The following NKAIN2 variants were observed in gnomAD, a reference collection of about 807,000 sequenced individuals.
NKAIN2 encodes the protein sodium/potassium transporting ATPase interacting 2.
Under a neutral mutation model 32.6 loss-of-function variants are expected in NKAIN2, and 14 were observed. The observed-to-expected ratio is 0.43, with a 90% CI of 0.28 to 0.67. The LOEUF (loss-of-function observed/expected upper bound fraction) is 0.67, where lower values mean the gene tolerates loss of function less well. NKAIN2 is among the 30% of genes least tolerant of loss of function. The pLI, the probability that NKAIN2 is intolerant of heterozygous loss-of-function variation, is 0.17. For missense variants in NKAIN2, 198 were observed against 258.3 expected (o/e 0.77, Z 1.60); for synonymous variants, 80 against 87.2 (o/e 0.92, Z 0.46).
intron 2 of NKAIN2, among the ~76,000 whole-genome samples, chr6:124,316,100 G>A (rs1428912127): frequency 2.0e-5 from 3 of 151,732 alleles, no homozygotes; most frequent in Non-Finnish European, 1.5e-5. Flanking sequence ...ACTTTTTTTT[G>A]TATATTTGAA....
rs570029404 is a variant in NKAIN2, at chr6:124,441,243, C to A, written c.273+85896C>A. ...ATCAAACACTGTAAATCTCTAGACT[C>A]TAGTTCTGCAGAGTTTCTGCAGGCA... is the stretch of plus-strand genomic sequence containing the variant. On this transcript the variant is annotated intron_variant, in intron 3 of 6. Transcript: ENST00000368417. Among the ~76,000 whole-genome samples, 10 of 152,158 alleles carry A rather than the reference C, an allele frequency of 6.6e-5. No individual in the cohort carries two copies. The South Asian group carries it at 1.9e-3, about 28-fold the overall frequency.
At chr6:123,965,288 C>T (rs1434755940) in intron 1 of NKAIN2, among the ~76,000 whole-genome samples, 1 of 152,120 alleles carries the variant, frequency 6.6e-6, no homozygotes, top group Admixed American at 6.5e-5. Context: ...AAAATAGAGA[C>T]AATTTGTTTG....
intron 4 of NKAIN2, among the ~76,000 whole-genome samples, chr6:124,749,174 C>T (rs761641225): frequency 5.3e-5 from 8 of 151,876 alleles, no homozygotes; most frequent in South Asian, 2.1e-4. Flanking sequence ...GGTCTCTCTG[C>T]TTGAGTCTTC....
chr6:124,503,695 G>T (rs1778377152), intron 3 of NKAIN2, among the ~76,000 whole-genome samples: 1 of 152,106 alleles, frequency 6.6e-6, no homozygotes, highest in Non-Finnish European at 1.5e-5. Context: ...GTCACTCTCT[G>T]AGGTGCTGAA....
At chr6:124,249,214 A>G (rs1198173444) in intron 1 of NKAIN2, among the ~76,000 whole-genome samples, 1 of 152,146 alleles carries the variant, frequency 6.6e-6, no homozygotes, top group Non-Finnish European at 1.5e-5. Context: ...TAAGGTGGGA[A>G]AAGTTTGTTT....
At chr6:124,082,051 G>A (rs1445535682) in intron 1 of NKAIN2, among the ~76,000 whole-genome samples, 1 of 151,990 alleles carries the variant, frequency 6.6e-6, no homozygotes, top group Non-Finnish European at 1.5e-5. Flanking sequence ...GTGATGGGAA[G>A]GGTATTTTAG....
chr6:124,141,682 T>G (rs564729747), intron 1 of NKAIN2, among the ~76,000 whole-genome samples: 5 of 152,274 alleles, frequency 3.3e-5, no homozygotes, highest in African/African-American at 1.2e-4. Flanking sequence ...TGATTCTTGG[T>G]AATCTTCTCT....
At chr6:123,992,423 AAAAC>A (rs551362211) in intron 1 of NKAIN2, among the ~76,000 whole-genome samples, 18 of 152,162 alleles carry the variant, frequency 1.2e-4, no homozygotes, top group East Asian at 3.9e-4. Flanking sequence ...AGAATTTTGA[AAAAC>A]AAACAAACAA....
intron 1 of NKAIN2, among the ~76,000 whole-genome samples, chr6:124,268,015 T>G (rs147287160): frequency 5.9e-5 from 9 of 152,322 alleles, no homozygotes; most frequent in Non-Finnish European, 7.4e-5. Context: ...TTAATATGCT[T>G]AAACTTCATT....
chr6:124,348,273 G>A (rs970535786), intron 2 of NKAIN2, among the ~76,000 whole-genome samples: 12 of 150,360 alleles, frequency 8.0e-5, no homozygotes, highest in African/African-American at 3.0e-4. Context: ...GGCTGCTCGG[G>A]GGTCAGGGGT....
In NKAIN2 at chr6:124,665,797, C is replaced by A. The variant is rs181446316; in HGVS notation, c.474+7411C>A. 2.9e-4 allele frequency among the ~76,000 whole-genome samples: 44 copies of A among 152,322 alleles called. 1 individual carries two copies. Among genetic ancestry groups the A allele is most frequent in the Admixed American group, 1.2e-3 (19 of 15,294 alleles). ...TGACTCCTTTTTAGGCCCTGAGAGT[C>A]ATTTCCTTTCTGAGACTGCAGGATC... On this transcript the variant is annotated intron_variant, in intron 4 of 6. Transcript: ENST00000368417.
intron 1 of NKAIN2, among the ~76,000 whole-genome samples, chr6:123,811,262 C>G (rs1773451290): frequency 6.6e-6 from 1 of 152,064 alleles, no homozygotes; most frequent in South Asian, 2.1e-4. Flanking sequence ...CAAGGTCTTT[C>G]CAGCGCGTTT....
At chr6:124,710,300 T>C (rs1333385607) in intron 4 of NKAIN2, among the ~76,000 whole-genome samples, 2 of 152,280 alleles carry the variant, frequency 1.3e-5, no homozygotes, top group East Asian at 1.9e-4. Flanking sequence ...AAAAAATGTA[T>C]ATTCTGTTGA....
intron 3 of NKAIN2, among the ~76,000 whole-genome samples, chr6:124,421,383 G>C (rs1037080838): frequency 1.6e-4 from 24 of 152,150 alleles, no homozygotes; most frequent in African/African-American, 5.3e-4. Flanking sequence ...ACGTGGAGAT[G>C]ACGTCTCAGT....
chr6:124,140,556 A>C (rs896973630), intron 1 of NKAIN2, among the ~76,000 whole-genome samples: 21 of 152,340 alleles, frequency 1.4e-4, no homozygotes, highest in African/African-American at 4.8e-4. Flanking sequence ...GTTAATGCAC[A>C]GAACATTTGA....
At chr6:123,850,692 G>A (rs1004378658) in intron 1 of NKAIN2, among the ~76,000 whole-genome samples, 3 of 152,108 alleles carry the variant, frequency 2.0e-5, no homozygotes, top group African/African-American at 7.2e-5. Flanking sequence ...TAAATTGAGC[G>A]AATGAACGTA....
At chr6:124,543,899 C>A (rs2114850601) in intron 3 of NKAIN2, among the ~76,000 whole-genome samples, 1 of 152,248 alleles carries the variant, frequency 6.6e-6, no homozygotes, top group South Asian at 2.1e-4. Context: ...AGGGACAAGC[C>A]AGGTAGTGCA....
intron 1 of NKAIN2, among the ~76,000 whole-genome samples, chr6:123,976,248 C>CATATATAT (rs145822155): frequency 2.0e-5 from 2 of 101,022 alleles, no homozygotes; most frequent in African/African-American, 7.4e-5. Flanking sequence ...ATAGCAAGAA[C>CATATATAT]ATATATATAT....
chr6:124,498,215 GGGAGACCCA>G (rs1381225420), intron 3 of NKAIN2, among the ~76,000 whole-genome samples: 1 of 152,168 alleles, frequency 6.6e-6, no homozygotes, highest in Non-Finnish European at 1.5e-5. Context: ...ATGTGTAGCA[GGGAGACCCA>G]GGTGGAAAGA....
Sources: gnomAD v4.1 joint callset for allele counts (sites outside exome capture counted in the v4.1 genomes callset) on GRCh38, gnomAD v4.1.1 for gene constraint, MANE v1.5 for transcripts, NCBI Gene and HGNC (gene_info 2026-07-23, HGNC 2026-07-21) for gene names.